BCAN: variants seen among roughly 807,000 people sequenced by gnomAD.
The protein encoded by BCAN is brevican.
BCAN carries 51 observed loss-of-function variants against 92.4 expected under a neutral mutation model. That is an observed-to-expected ratio of 0.55 (90% CI 0.44 to 0.70). BCAN has a LOEUF of 0.70. BCAN is among the 30% of genes least tolerant of loss of function. The pLI is 0.00. For synonymous variants in BCAN, 501 were observed against 505.2 expected (o/e 0.99, Z 0.11); for missense variants, 1,140 against 1,212.1 (o/e 0.94, Z 0.88).
rs1312439242 is a variant in BCAN, at chr1:156,652,732, G to T, written c.1782G>T (p.Leu594=). ...ETGSSEGAPS[L]LPATRAPEGT... ...GAAGCTCCGAGGGTGCCCCTTCCCT[G>T]CTTCCAGCCACACGGGCCCCTGAGG... The change falls in exon 8 of 14, where the codon CTG becomes CTT. Residue 594 remains leucine, a synonymous_variant. Coordinates refer to ENST00000329117, the MANE Select transcript of BCAN (RefSeq NM_021948.5). The T allele has an allele frequency of 4.4e-6, 7 of 1,604,350 alleles. No individual in the cohort carries two copies. The East Asian group carries it at 1.3e-4, about 31-fold the overall frequency.
chr1:156,647,155 C>A lies in BCAN; in HGVS notation c.446C>A (p.Ala149Asp). ...VQHGIDDSSD[A>D]VEVKVKGVVF... ...CACGGCATCGATGACAGCAGCGACG[C>A]TGTGGAGGTCAAGGTCAAAGGTGAG... Residue 149 changes from alanine to aspartate, a missense_variant, in exon 3 of 14, where the codon GCT becomes GAT. Physicochemically the swap from Ala to Asp is moderately radical, Grantham distance 126. This residue lies in a region of BCAN where 286 missense variants were observed against 284.1 expected (regional missense o/e 1.01). Coordinates refer to ENST00000329117, the MANE Select transcript of BCAN (RefSeq NM_021948.5). The surrounding 1 kb of genome is among the most constrained non-coding windows in gnomAD (Gnocchi z 4.8). The A allele has an allele frequency of 1.5e-6, 2 of 1,304,570 alleles. No homozygotes were observed. The highest frequency in any genetic ancestry group is 2.0e-6 in the Non-Finnish European group (2 of 985,988). 80.8% of individuals were successfully genotyped at this position (1,304,570 alleles called of 1,614,324 possible).
chr1:156,658,404 G>A lies in BCAN; in HGVS notation c.2437+133G>A. On this transcript the variant is annotated intron_variant, in intron 12 of 13. Coordinates refer to ENST00000329117, the MANE Select transcript of BCAN (RefSeq NM_021948.5). The surrounding 1 kb of genome is among the most constrained non-coding windows in gnomAD (Gnocchi z 4.4). Reference sequence around the variant, plus strand: ...AGAACGTGTTCCAGACCATGGGAGAGCTAACAAGTTACGTGGGTCCACTCG... The same window carrying A: ...AGAACGTGTTCCAGACCATGGGAGAACTAACAAGTTACGTGGGTCCACTCG... 2.7e-6 allele frequency: 4 copies of A among 1,463,256 alleles called. No homozygotes were observed. Among genetic ancestry groups the A allele is most frequent in the South Asian group, 1.3e-5 (1 of 74,950 alleles). The allele number at this position is 1,463,256 out of a possible 1,614,324, so 90.6% of individuals were successfully genotyped here.
chr1:156,643,629 C>CAGAGAGAGAGAGAG (rs1314248027), intron 1 of BCAN: 22 of 45,016 alleles, frequency 4.9e-4, no homozygotes, highest in Non-Finnish European at 1.7e-3. Context: ...CACACACACA[C>CAGAGAGAGAGAGAG]ACACACAGAG....
chr1:156,655,257 T>C (rs921815685), intron 8 of BCAN, among the ~76,000 whole-genome samples: 1 of 152,214 alleles, frequency 6.6e-6, no homozygotes, highest in African/African-American at 2.4e-5. Flanking sequence ...GACAGCCACC[T>C]CCTACCCCAG....
chr1:156,643,633 C>CAGAGAGAGAGAGAGAGAGAGAGAG (rs1179850412), intron 1 of BCAN: 58 of 90,882 alleles, frequency 6.4e-4, no homozygotes, highest in African/African-American at 9.6e-4. Context: ...CACACACACA[C>CAGAGAGAGAGAGAGAGAGAGAGAG]ACAGAGAGAG....
chr1:156,644,876 G>C (rs1678910065), intron 1 of BCAN: 1 of 152,182 alleles, frequency 6.6e-6, no homozygotes, highest in South Asian at 2.1e-4. Flanking sequence ...CTGCATCATT[G>C]GCCTATTCCA....
In BCAN at chr1:156,652,685, C is replaced by T. The variant is rs773025510; in HGVS notation, c.1735C>T (p.Arg579Ter). ...TGGTCCTGAGCTATCTGGGGTCCCT[C>T]GAGGAGAGAGCGAGGAGACAGGAAG... is the stretch of plus-strand genomic sequence containing the variant. ...TGGPELSGVPRGESEETGSSE... is the reference protein window; with the variant it reads ...TGGPELSGVP Residue 579 changes from arginine to a stop codon, truncating the protein, a stop_gained, in exon 8 of 14, where the codon CGA becomes TGA. Transcript: ENST00000329117. LOFTEE classifies it high-confidence loss of function. The T allele has an allele frequency of 6.2e-7, 1 of 1,610,928 alleles. No individual in the cohort carries two copies. Among genetic ancestry groups the T allele is most frequent in the Non-Finnish European group, 8.5e-7 (1 of 1,178,028 alleles).
At chr1:156,649,789 C>T (rs777285932) in intron 6 of BCAN, 1 of 491,640 alleles carries the variant, frequency 2.0e-6, no homozygotes, top group Non-Finnish European at 4.1e-6. Context: ...GGGTGACCGA[C>T]AATAAGAGAG....
chr1:156,646,650 ACCCTGGC>A (rs113490499), intron 2 of BCAN, 144 bp from the exon 3 acceptor site: 330,337 of 1,184,140 alleles, frequency 0.28, 49,126 homozygotes, highest in Admixed American at 0.42. Context: ...GGGCTGCAGG[ACCCTGGC>A]CCCTGGCCCC....
Position 156,651,468 on chromosome 1 carries a change from C to A in BCAN, c.1076C>A (p.Pro359His). 1.2e-6 allele frequency: 2 copies of A among 1,613,818 alleles called. No homozygotes were observed. Among genetic ancestry groups the A allele is most frequent in the Non-Finnish European group, 8.5e-7 (1 of 1,179,964 alleles). ...CCTCCTGCCACAGACTCGGCCCAGCCTTCTGCCATCCCTGAGGCCTCCAAC... is the reference window on the plus strand; with the variant it reads ...CCTCCTGCCACAGACTCGGCCCAGCATTCTGCCATCCCTGAGGCCTCCAAC... ...NVYCFRDSAQ[P>H]SAIPEASNPA... is the part of the protein sequence containing the mutation. Residue 359 changes from proline to histidine, a missense_variant, in exon 7 of 14, where the codon CCT becomes CAT. Pro to His is a moderately conservative substitution (Grantham distance 77, BLOSUM62 -2). This residue lies in a region of BCAN where 825 missense variants were observed against 871.8 expected (regional missense o/e 0.95). Transcript: ENST00000329117.
rs200436525 is a variant in BCAN at position 156,647,487 on chromosome 1, G to A, written c.467-21G>A. ...GCGTGCTGGGTGCTCACCTGGCTCA[G>A]GGGTCCTCTCTGCCCCACAGGGGTC... is the stretch of plus-strand genomic sequence containing the variant. On this transcript the variant is annotated intron_variant, in intron 3 of 13. Coordinates refer to ENST00000329117, the MANE Select transcript of BCAN (RefSeq NM_021948.5). This position sits in a 1 kb window ranked among gnomAD's most constrained non-coding sequence, Gnocchi z 4.8. 3.3e-6 allele frequency: 5 copies of A among 1,535,442 alleles called. No homozygotes were observed. In the South Asian group the frequency reaches 3.8e-5, roughly 12 times the overall value.
chr1:156,644,496 A>G (rs1318577872), intron 1 of BCAN: 1 of 152,332 alleles, frequency 6.6e-6, no homozygotes, highest in African/African-American at 2.4e-5. Flanking sequence ...CAAGCACCCC[A>G]ATGCCTGGAG....
chr1:156,651,662 C>G lies in BCAN; in HGVS notation c.1270C>G (p.Pro424Ala). 9 of 1,613,154 alleles carry G rather than the reference C, an allele frequency of 5.6e-6. No homozygotes were observed. The highest frequency in any genetic ancestry group is 7.6e-6 in the Non-Finnish European group (9 of 1,179,816). ...AGGTGGAAGCTCCACTCCAGAAGAC[C>G]CAGCAGAGGCCCCTAGGACGCTCCT... ...GGGGSSTPED[P>A]AEAPRTLLEF... The change falls in exon 7 of 14, where the codon CCA (proline) becomes GCA (alanine). Residue 424 changes from proline (P) to alanine (A), a missense_variant. Around this residue, in one of 3 missense-constraint regions of BCAN, gnomAD observed 825 missense variants for 871.8 expected, o/e 0.95. Transcript: ENST00000329117.
At position 156,652,476 on chromosome 1, in the gene BCAN, C is replaced by T. The variant is rs373894207; in HGVS notation, c.1526C>T (p.Ala509Val). 24 of 1,605,162 alleles carry T rather than the reference C, an allele frequency of 1.5e-5. No homozygotes were observed. The African/African-American group carries it at 2.0e-4, about 13-fold the overall frequency. Residue 509 changes from alanine (A) to valine (V), a missense_variant, in exon 8 of 14, where the codon GCG becomes GTG. Around this residue, in one of 3 missense-constraint regions of BCAN, gnomAD observed 825 missense variants for 871.8 expected, o/e 0.95. Coordinates refer to ENST00000329117, the MANE Select transcript of BCAN (RefSeq NM_021948.5). ...GCCCAGGAGGAGTCACTCTCCCAGGCGCCAGCAAGGGCAGTCCTGCAGCCT... is the reference window on the plus strand; with the variant it reads ...GCCCAGGAGGAGTCACTCTCCCAGGTGCCAGCAAGGGCAGTCCTGCAGCCT... ...PAAQEESLSQAPARAVLQPGA... is the reference protein window; with the variant it reads ...PAAQEESLSQVPARAVLQPGA...
In BCAN at chr1:156,658,502, C is replaced by T. The variant is rs747880549; in HGVS notation, c.2438-41C>T. 6.3e-7 allele frequency: 1 copy of T among 1,587,836 alleles called. No homozygotes were observed. The highest frequency in any genetic ancestry group is 1.1e-5 in the South Asian group (1 of 89,166). On this transcript the variant is annotated intron_variant, in intron 12 of 13. Transcript: ENST00000329117. The surrounding 1 kb of genome is among the most constrained non-coding windows in gnomAD (Gnocchi z 4.4). ...CCATGGAGATTCTGGGAACTGTCAC[C>T]CACAGAGCCAGGCTCAGTTCCTAAC... is the stretch of plus-strand genomic sequence containing the variant.
intron 5 of BCAN, 118 bp from the exon 6 acceptor site, chr1:156,648,450 A>C: frequency 9.2e-7 from 1 of 1,086,966 alleles, no homozygotes; most frequent in Admixed American, 2.3e-5. Flanking sequence ...GAAGTAGAGT[A>C]GTTGACTCCC....
At position 156,648,439 on chromosome 1, in the gene BCAN, T is replaced by C. The variant is rs1251727356; in HGVS notation, c.770-129T>C. ...AGGTTCTATTCAGACTATGATCCTATGAAGTAGAGTAGTTGACTCCCTGCC... is the reference window on the plus strand; with the variant it reads ...AGGTTCTATTCAGACTATGATCCTACGAAGTAGAGTAGTTGACTCCCTGCC... On this transcript the variant is annotated intron_variant, in intron 5 of 13. Coordinates refer to ENST00000329117, the MANE Select transcript of BCAN (RefSeq NM_021948.5). The C allele has an allele frequency of 4.9e-6, 5 of 1,024,478 alleles. No individual in the cohort carries two copies. The African/African-American group carries it at 8.1e-5, about 17-fold the overall frequency. 63.5% of individuals were successfully genotyped at this position (1,024,478 alleles called of 1,614,324 possible).
At chr1:156,643,525 T>C (rs914258407) in intron 1 of BCAN, 2 of 152,160 alleles carry the variant, frequency 1.3e-5, no homozygotes, top group African/African-American at 4.8e-5. Context: ...TCAGTTCCTA[T>C]GGGACAGACC....
rs754287439 is a variant in BCAN at position 156,656,938 on chromosome 1, G to C, written c.2051G>C (p.Gly684Ala). Reference sequence around the variant, plus strand: ...AGATGCCCGCCCTTATGTGCCGCAGGCCTCCGCTTCTGCAACCCCGGCTGG... The same window carrying C: ...AGATGCCCGCCCTTATGTGCCGCAGCCCTCCGCTTCTGCAACCCCGGCTGG... ...PGYGGDLCDV[G>A]LRFCNPGWDA... The change falls in exon 10 of 14, where the codon GGC (glycine) becomes GCC (alanine). Residue 684 changes from glycine (G) to alanine (A), a missense_variant and splice_region_variant. Around this residue, in one of 3 missense-constraint regions of BCAN, gnomAD observed 825 missense variants for 871.8 expected, o/e 0.95. Coordinates refer to ENST00000329117, the MANE Select transcript of BCAN (RefSeq NM_021948.5). 1 of 1,613,322 alleles carries C rather than the reference G, an allele frequency of 6.2e-7. No individual in the cohort carries two copies. Among genetic ancestry groups the C allele is most frequent in the Non-Finnish European group, 8.5e-7 (1 of 1,179,436 alleles).
Sources: allele counts gnomAD v4.1 joint callset (sites outside exome capture counted in the v4.1 genomes callset), GRCh38; gene constraint gnomAD v4.1.1; regional missense constraint gnomAD v4.1.1; non-coding constraint Gnocchi (gnomAD v3.1); transcripts MANE v1.5; gene names NCBI Gene and HGNC (gene_info 2026-07-23, HGNC 2026-07-21).